ATRN: variants seen among roughly 807,000 people sequenced by gnomAD.
ATRN encodes attractin-2.
ATRN carries 54 observed loss-of-function variants against 178.7 expected under a neutral mutation model. The observed-to-expected ratio is 0.30, with a 90% confidence interval of 0.24 to 0.38. The LOEUF is 0.38. Among genes scored for constraint, ATRN ranks in the 10% least tolerant of loss-of-function variants. The pLI, the probability that ATRN is intolerant of heterozygous loss-of-function variation, is 1.00. For synonymous variants in ATRN, 636 were observed against 663.0 expected (o/e 0.96, Z 0.63); for missense variants, 1,443 against 1,815.1 (o/e 0.79, Z 3.73).
chr20:3,595,565 A>G (rs955745068), intron 20 of ATRN, among the ~76,000 whole-genome samples: 2 of 152,234 alleles, frequency 1.3e-5, no homozygotes, highest in African/African-American at 4.8e-5. Flanking sequence ...TTTAACTTTT[A>G]GGTCCACATT....
chr20:3,604,321 T>A (rs1476904861), intron 24 of ATRN, 59 bp downstream of exon 24: 1 of 1,499,490 alleles, frequency 6.7e-7, no homozygotes, highest in East Asian at 2.3e-5. Context: ...TTAGTAAGAC[T>A]AAATTTACTA....
chr20:3,489,167 GC>G (rs1206773123), intron 1 of ATRN, among the ~76,000 whole-genome samples: 1 of 152,142 alleles, frequency 6.6e-6, no homozygotes. Context: ...CACCATGTTG[GC>G]CAGGTTGGTC....
intron 1 of ATRN, among the ~76,000 whole-genome samples, chr20:3,529,346 A>G (rs764878231): frequency 2.0e-5 from 3 of 152,204 alleles, no homozygotes; most frequent in Non-Finnish European, 2.9e-5. Context: ...TTCATTTTGT[A>G]TATTTATTCA....
chr20:3,492,405 T>C (rs1023583689), intron 1 of ATRN, among the ~76,000 whole-genome samples: 1 of 152,060 alleles, frequency 6.6e-6, no homozygotes, highest in Non-Finnish European at 1.5e-5. Context: ...ATTCTAAATA[T>C]TGACAAGGGT....
intron 1 of ATRN, among the ~76,000 whole-genome samples, chr20:3,513,364 A>G (rs6051907): frequency 0.051 from 7,820 of 152,192 alleles, 604 homozygotes; most frequent in African/African-American, 0.17. Flanking sequence ...GTTAAATAGG[A>G]AATCCTTTCC....
chr20:3,533,481 A>C (rs562835788), intron 1 of ATRN, among the ~76,000 whole-genome samples: 4 of 152,282 alleles, frequency 2.6e-5, no homozygotes, highest in African/African-American at 4.8e-5. Flanking sequence ...TTGAATTTTC[A>C]TGTGTGACTT....
intron 24 of ATRN, among the ~76,000 whole-genome samples, chr20:3,613,470 T>C (rs150722210): frequency 6.0e-4 from 92 of 152,268 alleles, no homozygotes; most frequent in African/African-American, 2.0e-3. Flanking sequence ...TTTATTGCTG[T>C]TTTTTCCCCA....
chr20:3,641,590 C>CAAAAAAAAAAAAAAAAAA (rs61692220), intron 27 of ATRN, among the ~76,000 whole-genome samples: 1 of 47,822 alleles, frequency 2.1e-5, no homozygotes, highest in Non-Finnish European at 3.4e-5. Flanking sequence ...GACTCTGTCG[C>CAAAAAAAAAAAAAAAAAA]AAAAAAAAAA....
intron 1 of ATRN, among the ~76,000 whole-genome samples, chr20:3,531,679 G>C (rs2085455068): frequency 6.6e-6 from 1 of 152,152 alleles, no homozygotes; most frequent in South Asian, 2.1e-4. Flanking sequence ...TAATTTAAGA[G>C]AACCATGCCT....
intron 1 of ATRN, among the ~76,000 whole-genome samples, chr20:3,485,200 C>T (rs1350563583): frequency 6.6e-6 from 1 of 152,114 alleles, no homozygotes; most frequent in Non-Finnish European, 1.5e-5. Context: ...TGAATCCTTC[C>T]TAAGCTCTTG....
At chr20:3,646,125 A>G (rs1358585335) in intron 28 of ATRN, among the ~76,000 whole-genome samples, 1 of 152,054 alleles carries the variant, frequency 6.6e-6, no homozygotes. Flanking sequence ...TATTATCCCC[A>G]TTTTACAAAT....
Position 3,638,755 on chromosome 20 carries a change from T to C in ATRN, c.3943-73T>C. 7.6e-7 allele frequency: 1 copy of C among 1,311,066 alleles called. No individual in the cohort carries two copies. Among genetic ancestry groups the C allele is most frequent in the Non-Finnish European group, 1.1e-6 (1 of 924,088 alleles). The allele number at this position is 1,311,066 out of a possible 1,614,324, so 81.2% of individuals were successfully genotyped here. A position where few individuals can be genotyped will look rare whatever the true frequency, so the allele number is the denominator to read the frequency against. ...TGAATCAGGGAGGATGAGGTGTTTT[T>C]AACATGTAGCATTAACTAATAAAAC... is the stretch of plus-strand genomic sequence containing the variant. On this transcript the variant is annotated intron_variant, in intron 26 of 28. Coordinates refer to ENST00000262919, the MANE Select transcript of ATRN (RefSeq NM_139321.3). The surrounding 1 kb of genome is among the most constrained non-coding windows in gnomAD (Gnocchi z 4.5).
chr20:3,546,757 T>C (rs1263126721), intron 4 of ATRN, among the ~76,000 whole-genome samples: 3 of 152,168 alleles, frequency 2.0e-5, no homozygotes, highest in Non-Finnish European at 4.4e-5. Flanking sequence ...TAGATAAAAT[T>C]ACTAAGGAAT....
intron 24 of ATRN, among the ~76,000 whole-genome samples, chr20:3,612,880 A>T (rs2063223890): frequency 6.6e-6 from 1 of 152,092 alleles, no homozygotes; most frequent in Non-Finnish European, 1.5e-5. Flanking sequence ...CACTTTTCCC[A>T]GTCTGTGCCT....
At chr20:3,601,883 AAAAG>A (rs1302227104) in intron 23 of ATRN, among the ~76,000 whole-genome samples, 1 of 151,746 alleles carries the variant, frequency 6.6e-6, no homozygotes, top group East Asian at 1.9e-4. Context: ...AAAAAAAAAA[AAAAG>A]AAAAAAGGAT....
chr20:3,632,542 C>T lies in ATRN; in HGVS notation c.3864-1769C>T, dbSNP rs368421914. Among the ~76,000 whole-genome samples, 4 of 152,164 alleles carry T rather than the reference C, an allele frequency of 2.6e-5. No homozygotes were observed. Among genetic ancestry groups the T allele is most frequent in the African/African-American group, 9.7e-5 (4 of 41,432 alleles). On this transcript the variant is annotated intron_variant, in intron 25 of 28. Transcript: ENST00000262919. This position sits in a 1 kb window ranked among gnomAD's most constrained non-coding sequence, Gnocchi z 4.2. ...CTTTTTCCAGATGCACTTTTGCAGGCGTCCATGAGCCACCTCCCATACCTT... is the reference window on the plus strand; with the variant it reads ...CTTTTTCCAGATGCACTTTTGCAGGTGTCCATGAGCCACCTCCCATACCTT...
intron 1 of ATRN, among the ~76,000 whole-genome samples, chr20:3,507,420 A>AG (rs2085061533): frequency 6.6e-6 from 1 of 152,014 alleles, no homozygotes; most frequent in Non-Finnish European, 1.5e-5. Flanking sequence ...AAAAAAAAAA[A>AG]AATTGGAGTC....
At chr20:3,550,860 G>C (rs1375194560) in intron 6 of ATRN, among the ~76,000 whole-genome samples, 2 of 152,156 alleles carry the variant, frequency 1.3e-5, no homozygotes, top group African/African-American at 4.8e-5. Context: ...AAGCCCCAGA[G>C]TTGTTCAGGG....
intron 11 of ATRN, among the ~76,000 whole-genome samples, chr20:3,569,339 GTT>G (rs148493932): frequency 4.8e-4 from 73 of 152,260 alleles, no homozygotes; most frequent in African/African-American, 1.6e-3. Flanking sequence ...TGTGCAGCAT[GTT>G]ACTATACTCA....
Sources: gnomAD v4.1 joint callset for allele counts (sites outside exome capture counted in the v4.1 genomes callset) on GRCh38, gnomAD v4.1.1 for gene constraint, Gnocchi (gnomAD v3.1) non-coding constraint, MANE v1.5 for transcripts, NCBI Gene and HGNC (gene_info 2026-07-23, HGNC 2026-07-21) for gene names.